Variants in UTP20 observed in about 807,000 individuals in gnomAD.
UTP20 encodes small subunit processome component 20 homolog.
UTP20 carries 164 observed loss-of-function variants against 329.5 expected under a neutral mutation model. The observed-to-expected ratio is 0.50, with a 90% CI of 0.44 to 0.57. The LOEUF is 0.57. Among genes scored for constraint, UTP20 ranks in the 20% least tolerant of loss-of-function variants. The pLI is 0.00. For missense variants in UTP20, 3,055 were observed against 3,284.2 expected (o/e 0.93, Z 1.71); for synonymous variants, 1,151 against 1,159.3 (o/e 0.99, Z 0.14).
intron 48 of UTP20, among the ~76,000 whole-genome samples, chr12:101,369,159 C>T (rs1362193775): frequency 6.6e-6 from 1 of 152,102 alleles, no homozygotes; most frequent in Non-Finnish European, 1.5e-5. Flanking sequence ...ATTTATAATA[C>T]CCAGTAGAGT....
At chr12:101,335,994 GATTCATTTTTAT>G (rs1868922715) in intron 29 of UTP20, among the ~76,000 whole-genome samples, 2 of 152,188 alleles carry the variant, frequency 1.3e-5, no homozygotes, top group African/African-American at 4.8e-5. Flanking sequence ...TTACAATAGA[GATTCATTTTTAT>G]ATTCATTGGG....
chr12:101,321,670 A>G (rs776858742), intron 25 of UTP20, 41 bp downstream of exon 25: 13 of 1,598,510 alleles, frequency 8.1e-6, no homozygotes, highest in Non-Finnish European at 1.1e-5. Context: ...AAAAGTTAAT[A>G]ACAAACACAA....
chr12:101,337,189 G>A (rs1868960825), intron 29 of UTP20, among the ~76,000 whole-genome samples: 1 of 152,190 alleles, frequency 6.6e-6, no homozygotes, highest in Admixed American at 6.5e-5. Context: ...ATAGTGTCTT[G>A]TGTAGAGCCT....
intron 11 of UTP20, 152 bp from the exon 12 acceptor site, chr12:101,295,328 C>T (rs889942452): frequency 1.5e-6 from 1 of 664,960 alleles, no homozygotes; most frequent in Non-Finnish European, 2.4e-6. Flanking sequence ...TAAGACATGG[C>T]TGCACAGTCT....
At chr12:101,385,783 T>C in intron 61 of UTP20, 55 bp downstream of exon 61, 1 of 1,565,476 alleles carries the variant, frequency 6.4e-7, no homozygotes, top group East Asian at 2.3e-5. Context: ...AACTACTAAG[T>C]GTGCATGTTT....
intron 43 of UTP20, 140 bp from the exon 44 acceptor site, chr12:101,361,822 A>G (rs1180592405): frequency 4.5e-6 from 3 of 662,478 alleles, no homozygotes; most frequent in East Asian, 2.7e-5. Context: ...TGAAATAACT[A>G]TGTGTCATTT....
intron 43 of UTP20, among the ~76,000 whole-genome samples, chr12:101,357,822 C>T (rs900101792): frequency 3.9e-5 from 6 of 152,132 alleles, no homozygotes; most frequent in Non-Finnish European, 7.3e-5. Flanking sequence ...TCTAGCCCCT[C>T]GCTGCTCCAA....
At chr12:101,301,162 A>G (rs1872511484) in intron 14 of UTP20, among the ~76,000 whole-genome samples, 1 of 152,160 alleles carries the variant, frequency 6.6e-6, no homozygotes. Context: ...TAGTTTGCTG[A>G]CCTCTGGGCT....
intron 43 of UTP20, among the ~76,000 whole-genome samples, chr12:101,358,659 A>T (rs1366732510): frequency 1.3e-5 from 2 of 152,138 alleles, no homozygotes; most frequent in African/African-American, 4.8e-5. Context: ...TCACTTTAAC[A>T]GTTCTTTCTT....
chr12:101,281,673 T>C (rs1168466760), intron 2 of UTP20, among the ~76,000 whole-genome samples: 1 of 152,208 alleles, frequency 6.6e-6, no homozygotes, highest in Non-Finnish European at 1.5e-5. Context: ...TTAACCATAC[T>C]CTGACTCTGT....
chr12:101,385,125 G>C (rs1013915157), intron 60 of UTP20, among the ~76,000 whole-genome samples: 1 of 151,878 alleles, frequency 6.6e-6, no homozygotes, highest in Non-Finnish European at 1.5e-5. Flanking sequence ...AGTTACTGTG[G>C]GCAGAGCTAA....
intron 35 of UTP20, among the ~76,000 whole-genome samples, 166 bp from the exon 36 acceptor site, chr12:101,344,429 A>C (rs1869251131): frequency 6.6e-6 from 1 of 152,236 alleles, no homozygotes; most frequent in Non-Finnish European, 1.5e-5. Context: ...TATTCCTCAC[A>C]GAACATTTGG....
chr12:101,308,168 T>A lies in UTP20; in HGVS notation c.1996-17T>A, dbSNP rs753707019. 3 of 1,579,948 alleles carry A rather than the reference T, an allele frequency of 1.9e-6. No homozygotes were observed. Among genetic ancestry groups the A allele is most frequent in the Non-Finnish European group, 2.6e-6 (3 of 1,165,102 alleles). On this transcript the variant is annotated splice_polypyrimidine_tract_variant and intron_variant, in intron 17 of 61. Transcript: ENST00000261637. Reference sequence around the variant, plus strand: ...AATACTGACTGGTCTTCTCCATGGTTTTCTCTGGTTATTCAGGATGATGGG... The same window carrying A: ...AATACTGACTGGTCTTCTCCATGGTATTCTCTGGTTATTCAGGATGATGGG...
At position 101,327,216 on chromosome 12, in the gene UTP20, G is replaced by A. The variant is rs758322291; in HGVS notation, c.3177G>A (p.Leu1059=). 1.2e-5 allele frequency: 20 copies of A among 1,604,684 alleles called. No individual in the cohort carries two copies. Among genetic ancestry groups the A allele is most frequent in the Admixed American group, 1.7e-5 (1 of 59,744 alleles). The change falls in exon 26 of 62, where the codon CTG becomes CTA. Residue 1059 remains leucine, a synonymous_variant. Coordinates refer to ENST00000261637, the MANE Select transcript of UTP20 (RefSeq NM_014503.3). ...AGGAGATCCAGATATTCTTAGACCT[G>A]CTGTTTGAACCTGTGAGGCATTTCA... ...QPEEIQIFLD[L]LFEPVRHFKN... is the part of the protein sequence containing the mutation.
chr12:101,293,295 A>C (rs765639015), intron 11 of UTP20, 50 bp downstream of exon 11: 12 of 1,534,686 alleles, frequency 7.8e-6, no homozygotes, highest in Non-Finnish European at 1.1e-5. Context: ...ATCTGTCAGG[A>C]AAAAACGATC....
At chr12:101,370,271 G>A (rs999066619) in intron 49 of UTP20, among the ~76,000 whole-genome samples, 161 bp from the exon 50 acceptor site, 1 of 152,170 alleles carries the variant, frequency 6.6e-6, no homozygotes, top group African/African-American at 2.4e-5. Flanking sequence ...ATTGCCCTTT[G>A]TGGTTATGGC....
At chr12:101,354,807 G>T in intron 40 of UTP20, 25 bp from the exon 41 acceptor site, 1 of 1,598,270 alleles carries the variant, frequency 6.3e-7, no homozygotes, top group South Asian at 1.1e-5. Context: ...GCTTTAAGGT[G>T]ACTTTTGTTG....
At chr12:101,342,048 T>C (rs548565705) in intron 32 of UTP20, among the ~76,000 whole-genome samples, 1 of 152,334 alleles carries the variant, frequency 6.6e-6, no homozygotes, top group South Asian at 2.1e-4. Context: ...GTGGGTGATA[T>C]GCAAATACCA....
At chr12:101,339,137 A>T (rs557000850) in intron 31 of UTP20, among the ~76,000 whole-genome samples, 180 bp downstream of exon 31, 4 of 152,106 alleles carry the variant, frequency 2.6e-5, no homozygotes, top group East Asian at 3.9e-4. Flanking sequence ...ACATGGCAAA[A>T]CCCCGTCTCT....
Sources: gnomAD v4.1 joint callset for allele counts (sites outside exome capture counted in the v4.1 genomes callset) on GRCh38, gnomAD v4.1.1 for gene constraint, MANE v1.5 for transcripts, NCBI Gene and HGNC (gene_info 2026-07-23, HGNC 2026-07-21) for gene names.